The following COL4A6 variants were observed in gnomAD, a reference collection of about 807,000 sequenced individuals.
The protein encoded by COL4A6 is collagen alpha-6(IV) chain.
A neutral mutation model predicts 126.7 loss-of-function variants in COL4A6; 59 were observed. The observed-to-expected ratio is 0.47, with a 90% CI of 0.38 to 0.58. The LOEUF is 0.58. Among genes scored for constraint, COL4A6 ranks in the 20% least tolerant of loss-of-function variants. The pLI is 0.00. For synonymous variants in COL4A6, 547 were observed against 496.6 expected (o/e 1.10, Z -1.35); for missense variants, 1,285 against 1,337.3 (o/e 0.96, Z 0.61).
chrX:108,166,413 T>C (rs1371223236), intron 37 of COL4A6, among the ~76,000 whole-genome samples: 8 of 112,697 alleles, frequency 7.1e-5, no homozygotes, highest in Non-Finnish European at 1.5e-4. Flanking sequence ...TGAAGATAAA[T>C]GGATTCAAAC....
chrX:108,279,414 A>T (rs1054146539), intron 3 of COL4A6, among the ~76,000 whole-genome samples: 16 of 112,129 alleles, frequency 1.4e-4, no homozygotes, highest in African/African-American at 4.9e-4. Context: ...ACATATTGGT[A>T]AAGGGATCAA....
chrX:108,180,645 T>G, intron 24 of COL4A6, 23 bp from the exon 25 acceptor site: 1 of 1,110,469 alleles, frequency 9.0e-7, no homozygotes, highest in Admixed American at 2.8e-5. Context: ...ATGTAAGCAA[T>G]GAGGGGAAAG....
intron 3 of COL4A6, among the ~76,000 whole-genome samples, chrX:108,238,938 T>C (rs1406289939): frequency 8.9e-6 from 1 of 112,465 alleles, no homozygotes; most frequent in African/African-American, 3.2e-5. Context: ...CGTCTCTGAA[T>C]ACTAGCAAGG....
intron 13 of COL4A6, among the ~76,000 whole-genome samples, chrX:108,197,835 G>T (rs886338821): frequency 1.9e-5 from 2 of 105,677 alleles, no homozygotes; most frequent in African/African-American, 6.8e-5. Context: ...AGCAGGCTTT[G>T]GTCCCGTACT....
intron 2 of COL4A6, among the ~76,000 whole-genome samples, chrX:108,436,307 C>T (rs2064266051): frequency 1.8e-5 from 2 of 112,279 alleles, no homozygotes; most frequent in African/African-American, 6.5e-5. Flanking sequence ...AACTCATACA[C>T]CAAAGCAGTG....
At chrX:108,300,317 A>C (rs1201260310) in intron 3 of COL4A6, among the ~76,000 whole-genome samples, 1 of 110,707 alleles carries the variant, frequency 9.0e-6, no homozygotes, top group Non-Finnish European at 1.9e-5. Flanking sequence ...TAAAGTGAAG[A>C]CTAGGTCACA....
chrX:108,283,799 CATGGTCTTCCAAGAAAAA>C (rs751185613), intron 3 of COL4A6, among the ~76,000 whole-genome samples: 10 of 111,181 alleles, frequency 9.0e-5, no homozygotes, highest in South Asian at 3.9e-4. Flanking sequence ...ATGTATTAGA[CATGGTCTTCCAAGAAAAA>C]ATGGTCTTCC....
At chrX:108,250,448 C>T (rs971804146) in intron 3 of COL4A6, among the ~76,000 whole-genome samples, 1 of 111,215 alleles carries the variant, frequency 9.0e-6, no homozygotes, top group Non-Finnish European at 1.9e-5. Context: ...TTCTAGCCCC[C>T]TTGTCATCAC....
At chrX:108,387,074 T>C (rs958283648) in intron 2 of COL4A6, among the ~76,000 whole-genome samples, 1 of 111,636 alleles carries the variant, frequency 9.0e-6, no homozygotes, top group Non-Finnish European at 1.9e-5. Flanking sequence ...CATTGGTCTA[T>C]ATATATTTTG....
In COL4A6 at chrX:108,343,204, G is replaced by GTGTGTGTT. The variant is rs1302659215; in HGVS notation, c.64-32377_64-32376insAACACACA. Among the ~76,000 whole-genome samples, 4 of 97,780 alleles carry GTGTGTGTT rather than the reference G, an allele frequency of 4.1e-5. No individual in the cohort carries two copies. The East Asian group carries it at 1.3e-3, about 32-fold the overall frequency. 84.9% of individuals were successfully genotyped at this position (97,780 alleles called of 115,157 possible). ...TGTGTGTGTGTGTGTGTGTGTGTGT[G>GTGTGTGTT]TATGTACAAAGGCTGGGAGTTGACA... is the stretch of plus-strand genomic sequence containing the variant. On this transcript the variant is annotated intron_variant, in intron 2 of 44. Transcript: ENST00000334504.
At position 108,156,897 on chromosome X, in the gene COL4A6, C is replaced by G; in HGVS notation, c.*103G>C. 3 of 865,234 alleles carry G rather than the reference C, an allele frequency of 3.5e-6. No individual in the cohort carries two copies. The highest frequency in any genetic ancestry group is 5.0e-6 in the Non-Finnish European group (3 of 605,014). 71.3% of individuals were successfully genotyped at this position (865,234 alleles called of 1,213,427 possible). The stretch of plus-strand genomic sequence containing the variant: ...AATGAGACTCCAATGTACAACTTGA[C>G]AGGCAAAGGGGCTCAGGCCTTCCTT... On this transcript the variant is annotated 3_prime_UTR_variant, in exon 45 of 45. Transcript: ENST00000334504.
chrX:108,164,456 A>G, intron 40 of COL4A6, 144 bp downstream of exon 40: 1 of 539,272 alleles, frequency 1.9e-6, no homozygotes, highest in East Asian at 3.4e-5. Context: ...CAAGGTAGAG[A>G]AACTGCCTCT....
chrX:108,174,339 C>T, intron 31 of COL4A6, 101 bp downstream of exon 31: 1 of 872,087 alleles, frequency 1.1e-6, no homozygotes. Flanking sequence ...GGAGAAGGGG[C>T]TGAGAAGTAA....
At chrX:108,236,644 C>A (rs1295825241) in intron 3 of COL4A6, among the ~76,000 whole-genome samples, 3 of 111,751 alleles carry the variant, frequency 2.7e-5, no homozygotes, top group Non-Finnish European at 3.8e-5. Flanking sequence ...CTGTAAGCTA[C>A]GATCCCATCT....
At chrX:108,194,829 C>T (rs749546183) in intron 15 of COL4A6, among the ~76,000 whole-genome samples, 1 of 111,852 alleles carries the variant, frequency 8.9e-6, no homozygotes, top group African/African-American at 3.2e-5. Context: ...GCAGGCTGGC[C>T]TTGCTAGTCC....
intron 3 of COL4A6, among the ~76,000 whole-genome samples, chrX:108,236,312 G>A (rs928228990): frequency 9.0e-6 from 1 of 111,325 alleles, no homozygotes; most frequent in Non-Finnish European, 1.9e-5. Context: ...ACCAGTCTCC[G>A]GAACCCAAGA....
At chrX:108,189,166 A>C (rs573446550) in intron 20 of COL4A6, among the ~76,000 whole-genome samples, 2 of 112,269 alleles carry the variant, frequency 1.8e-5, no homozygotes, top group African/African-American at 6.5e-5. Context: ...TTGTCTGGAA[A>C]ATAAGAATTG....
intron 3 of COL4A6, among the ~76,000 whole-genome samples, chrX:108,263,428 G>A (rs1484024801): frequency 8.9e-6 from 1 of 111,945 alleles, no homozygotes; most frequent in African/African-American, 3.2e-5. Context: ...TCATTCATTT[G>A]AGGCATTGAG....
At chrX:108,171,772 C>T (rs1333677329) in intron 32 of COL4A6, among the ~76,000 whole-genome samples, 1 of 111,751 alleles carries the variant, frequency 8.9e-6, no homozygotes, top group African/African-American at 3.3e-5. Context: ...GTGATGCCAG[C>T]AAGAATGGGA....
Sources: allele counts gnomAD v4.1 joint callset (sites outside exome capture counted in the v4.1 genomes callset), GRCh38; gene constraint gnomAD v4.1.1; transcripts MANE v1.5; gene names NCBI Gene and HGNC (gene_info 2026-07-23, HGNC 2026-07-21).